CDH17: variants seen among roughly 807,000 people sequenced by gnomAD.
The protein encoded by CDH17 is cadherin-17.
Under a neutral mutation model 86.3 loss-of-function variants are expected in CDH17, and 67 were observed. The ratio of observed to expected loss-of-function variants is 0.78; its 90% CI spans 0.64 to 0.95. The LOEUF is 0.95. CDH17 is among the 40% of genes least tolerant of loss of function. CDH17 has a pLI of 0.00. For missense variants in CDH17, 993 were observed against 1,017.6 expected, an observed-to-expected ratio of 0.98 and a Z score of 0.33; for synonymous variants, 367 against 366.4, an observed-to-expected ratio of 1.00 and a Z score of -0.02.
At chr8:94,129,405 A>G (rs1445395299) in intron 17 of CDH17, among the ~76,000 whole-genome samples, 1 of 152,110 alleles carries the variant, frequency 6.6e-6, no homozygotes, top group Admixed American at 6.5e-5. Flanking sequence ...CATGACATGA[A>G]GGCCCTCCCA....
chr8:94,139,377 A>T (rs930051325), intron 15 of CDH17, among the ~76,000 whole-genome samples: 2 of 152,218 alleles, frequency 1.3e-5, no homozygotes, highest in Non-Finnish European at 2.9e-5. Flanking sequence ...AAGCCAAGAA[A>T]GATAGTGGAG....
At chr8:94,187,909 T>C (rs1813611636) in intron 3 of CDH17, among the ~76,000 whole-genome samples, 1 of 152,092 alleles carries the variant, frequency 6.6e-6, no homozygotes, top group African/African-American at 2.4e-5. Flanking sequence ...TGGAGGCCCC[T>C]AATAACACCC....
intron 2 of CDH17, among the ~76,000 whole-genome samples, chr8:94,192,150 G>A (rs1586018614): frequency 6.6e-6 from 1 of 152,314 alleles, no homozygotes; most frequent in East Asian, 1.9e-4. Context: ...GTTCAAAGTT[G>A]CGTGCTTGTA....
rs186541278 is a variant in CDH17 at position 94,203,095 on chromosome 8, A to C, written c.-21+5388T>G. 5 of 169,692 alleles carry C rather than the reference A, an allele frequency of 2.9e-5. No individual in the cohort carries two copies. The Admixed American group carries it at 3.2e-4, about 11-fold the overall frequency. 10.5% of individuals were successfully genotyped at this position (169,692 alleles called of 1,614,324 possible). ...TGATGTTTAGACGCTCTTGTCATTTACCCATTTATTTGAGTAAGGACAAGG... is the reference window on the plus strand; with the variant it reads ...TGATGTTTAGACGCTCTTGTCATTTCCCCATTTATTTGAGTAAGGACAAGG... On this transcript the variant is annotated intron_variant, in intron 1 of 17. Coordinates refer to ENST00000027335, the MANE Select transcript of CDH17 (RefSeq NM_004063.4).
chr8:94,152,302 A>G lies in CDH17; in HGVS notation c.1552-190T>C, dbSNP rs190093271. On this transcript the variant is annotated intron_variant, in intron 12 of 17. Coordinates refer to ENST00000027335, the MANE Select transcript of CDH17 (RefSeq NM_004063.4). ...AATCCGTTAAAAATAGATTACAGAC[A>G]AAATATAAGACCTGAAACTATAACA... Among the ~76,000 whole-genome samples, 24 of 152,378 alleles carry G rather than the reference A, an allele frequency of 1.6e-4. 1 individual carries two copies. Among genetic ancestry groups the G allele is most frequent in the Middle Eastern group, 3.4e-3 (1 of 294 alleles).
intron 12 of CDH17, among the ~76,000 whole-genome samples, chr8:94,154,987 C>G (rs1165169232): frequency 3.3e-5 from 5 of 152,102 alleles, no homozygotes; most frequent in Non-Finnish European, 7.4e-5. Flanking sequence ...ACCATCATGA[C>G]TCACTCTCTA....
intron 15 of CDH17, among the ~76,000 whole-genome samples, chr8:94,140,569 T>C (rs1812618164): frequency 1.3e-5 from 2 of 151,430 alleles, no homozygotes; most frequent in Admixed American, 1.3e-4. Context: ...GTAGGAAGAA[T>C]AAAGGAAACA....
chr8:94,151,938 T>C lies in CDH17; in HGVS notation c.1726A>G (p.Ser576Gly). 6.2e-7 allele frequency: 1 copy of C among 1,614,242 alleles called. No homozygotes were observed. Among genetic ancestry groups the C allele is most frequent in the Non-Finnish European group, 8.5e-7 (1 of 1,180,030 alleles). Residue 576 changes from serine to glycine, a missense_variant, in exon 13 of 18, where the codon AGT becomes GGT. Coordinates refer to ENST00000027335, the MANE Select transcript of CDH17 (RefSeq NM_004063.4). Reference protein sequence around the residue: ...FSQHVFQAKVSEDVAIGTKVG... With the variant: ...FSQHVFQAKVGEDVAIGTKVG... Reference sequence around the variant, plus strand: ...TTAGTGCCTATAGCTACATCCTCACTGACTTTCGCTTGGAATACGTGTTGG... The same window carrying C: ...TTAGTGCCTATAGCTACATCCTCACCGACTTTCGCTTGGAATACGTGTTGG...
intron 15 of CDH17, among the ~76,000 whole-genome samples, chr8:94,137,971 G>A (rs1226089226): frequency 6.6e-6 from 1 of 152,144 alleles, no homozygotes; most frequent in Non-Finnish European, 1.5e-5. Flanking sequence ...TGTTAGCTAT[G>A]TAATTGGGTA....
At chr8:94,155,069 A>T (rs2446870) in intron 12 of CDH17, among the ~76,000 whole-genome samples, 85,510 of 151,968 alleles carry the variant, frequency 0.56, 24,857 homozygotes, top group African/African-American at 0.71. Flanking sequence ...GGGGTTGAGA[A>T]AGAAGAATCA....
chr8:94,138,519 T>C (rs1812576321), intron 15 of CDH17, among the ~76,000 whole-genome samples: 1 of 152,080 alleles, frequency 6.6e-6, no homozygotes, highest in African/African-American at 2.4e-5. Flanking sequence ...AAGGCAAAGT[T>C]AAGAAACTAG....
Position 94,130,603 on chromosome 8 carries a change from T to C in CDH17, c.2398+23A>G, listed in dbSNP as rs192589622. ...TTTCTGAGGCCCAGGATAAGACTCT[T>C]TGAATTAAGAAATTACACTCACCAA... is the stretch of plus-strand genomic sequence containing the variant. On this transcript the variant is annotated intron_variant, in intron 17 of 17. Transcript: ENST00000027335. 1.2e-5 allele frequency: 18 copies of C among 1,504,512 alleles called. No homozygotes were observed. In the East Asian group the frequency reaches 3.2e-4, roughly 27 times the overall value. The allele number at this position is 1,504,512 out of a possible 1,614,324, so 93.2% of individuals were successfully genotyped here. A position where few individuals can be genotyped will look rare whatever the true frequency, so the allele number is the denominator to read the frequency against.
intron 15 of CDH17, among the ~76,000 whole-genome samples, chr8:94,134,755 G>T (rs901571859): frequency 6.6e-6 from 1 of 152,040 alleles, no homozygotes; most frequent in Non-Finnish European, 1.5e-5. Flanking sequence ...TGATGTTAGG[G>T]TGTCAATTTT....
Position 94,164,473 on chromosome 8 carries a change from G to A in CDH17, c.1282+1288C>T, listed in dbSNP as rs547771923. ...GTTGATAGTGTGAAATTGTTAGCTC[G>A]TCATGAATAGGGAAGGTTTATTATA... On this transcript the variant is annotated intron_variant, in intron 10 of 17. Transcript: ENST00000027335. 5.9e-5 allele frequency among the ~76,000 whole-genome samples: 9 copies of A among 152,290 alleles called. No individual in the cohort carries two copies. The South Asian group carries it at 8.3e-4, about 14-fold the overall frequency.
At chr8:94,215,863 GT>G (rs11398758) in intron 1 of CDH17, among the ~76,000 whole-genome samples, 11,533 of 140,050 alleles carry the variant, frequency 0.082, 668 homozygotes, top group African/African-American at 0.17. Flanking sequence ...AGTATACGAG[GT>G]TTTTTTTTTT....
intron 9 of CDH17, among the ~76,000 whole-genome samples, chr8:94,166,871 G>T (rs940156720): frequency 6.6e-6 from 1 of 152,192 alleles, no homozygotes; most frequent in Non-Finnish European, 1.5e-5. Flanking sequence ...GGCAAGGAAA[G>T]ATTCTCCCCT....
At chr8:94,186,249 ACTCT>A (rs146835041) in intron 3 of CDH17, among the ~76,000 whole-genome samples, 11 of 149,780 alleles carry the variant, frequency 7.3e-5, no homozygotes, top group South Asian at 2.1e-4. Context: ...CTTTTGCTGT[ACTCT>A]CTCTCTCTCT....
chr8:94,145,968 A>C lies in CDH17; in HGVS notation c.2127T>G (p.Ser709Arg). 1.2e-6 allele frequency: 2 copies of C among 1,613,686 alleles called. No individual in the cohort carries two copies. The highest frequency in any genetic ancestry group is 1.7e-6 in the Non-Finnish European group (2 of 1,179,824). ...CTTCCCAGTCGTTTTGTAAGCTTCC[A>C]CTGCCGAGGGAAAATGTAAAATGGG... ...RGPHFTFSLG[S>R]GSLQNDWEVS... Residue 709 changes from serine (S) to arginine (R), a missense_variant, in exon 15 of 18, where the codon AGT (serine) becomes AGG (arginine). Transcript: ENST00000027335.
chr8:94,179,368 T>C (rs975629665), intron 3 of CDH17, among the ~76,000 whole-genome samples: 1 of 152,230 alleles, frequency 6.6e-6, no homozygotes, highest in African/African-American at 2.4e-5. Flanking sequence ...TGCAGCTGCC[T>C]GAGGCTGTGA....
Sources: gnomAD v4.1 joint callset for allele counts (sites outside exome capture counted in the v4.1 genomes callset) on GRCh38, gnomAD v4.1.1 for gene constraint, MANE v1.5 for transcripts, NCBI Gene and HGNC (gene_info 2026-07-23, HGNC 2026-07-21) for gene names.